ACACB: variants seen among roughly 807,000 people sequenced by gnomAD.
The protein encoded by ACACB is acetyl-CoA carboxylase beta.
ACACB carries 209 observed loss-of-function variants against 278.8 expected under a neutral mutation model. The ratio of observed to expected loss-of-function variants is 0.75; its 90% CI spans 0.67 to 0.84. ACACB has a LOEUF of 0.84. ACACB is among the 40% of genes least tolerant of loss of function. The pLI is 0.00. For missense variants in ACACB, 2,850 were observed against 3,269.0 expected, an observed-to-expected ratio of 0.87 and a Z score of 3.13; for synonymous variants, 1,174 against 1,285.6, an observed-to-expected ratio of 0.91 and a Z score of 1.86.
In ACACB at chr12:109,253,158, G is replaced by A. The variant is rs2047140765; in HGVS notation, c.6045G>A (p.Lys2015=). 1 of 1,571,450 alleles carries A rather than the reference G, an allele frequency of 6.4e-7. No individual in the cohort carries two copies. Among genetic ancestry groups the A allele is most frequent in the East Asian group, 2.3e-5 (1 of 44,164 alleles). The part of the protein sequence containing the change: ...TILEWLSYMP[K]DNHSPVPIIT... ...TGGAGTGGCTGTCCTATATGCCAAA[G>A]GTGCAGTACTCCCCCTGCAGCTTAG... Residue 2015 remains lysine (K), a splice_region_variant and synonymous_variant, in exon 43 of 53, where the codon AAG becomes AAA. Transcript: ENST00000338432.
At position 109,222,791 on chromosome 12, in the gene ACACB, C is replaced by G. The variant is rs763148577; in HGVS notation, c.3679-8C>G. On this transcript the variant is annotated splice_region_variant and splice_polypyrimidine_tract_variant and intron_variant, in intron 25 of 52. Coordinates refer to ENST00000338432, the MANE Select transcript of ACACB (RefSeq NM_001093.4). ...CTCACGCCAGCGCCCCCATCCCTCC[C>G]CCTGCAGATCCTGATTGCCTCCCAC... 11 of 1,610,172 alleles carry G rather than the reference C, an allele frequency of 6.8e-6. No individual in the cohort carries two copies. The highest frequency in any genetic ancestry group is 7.6e-6 in the Non-Finnish European group (9 of 1,176,856).
intron 29 of ACACB, 149 bp downstream of exon 29, chr12:109,232,955 T>C: frequency 1.0e-6 from 1 of 992,660 alleles, no homozygotes. Context: ...AATAATAGCA[T>C]TGTAGCCAAG....
chr12:109,137,884 TTTTC>T (rs1472474065), intron 1 of ACACB, among the ~76,000 whole-genome samples: 1 of 146,010 alleles, frequency 6.8e-6, no homozygotes, highest in East Asian at 2.2e-4. Context: ...CCTCCTGGGC[TTTTC>T]TTTTCTTTTT....
At chr12:109,200,838 C>T (rs759574149) in intron 18 of ACACB, among the ~76,000 whole-genome samples, 5 of 152,196 alleles carry the variant, frequency 3.3e-5, no homozygotes, top group Non-Finnish European at 5.9e-5. Flanking sequence ...GGATCTGCAT[C>T]TCATTCAATC....
chr12:109,260,304 C>T (rs1305221335), intron 47 of ACACB, among the ~76,000 whole-genome samples, 176 bp from the exon 48 acceptor site: 2 of 152,190 alleles, frequency 1.3e-5, no homozygotes, highest in Non-Finnish European at 2.9e-5. Flanking sequence ...GGTGAATGAC[C>T]TGTTCGAGGT....
intron 21 of ACACB, among the ~76,000 whole-genome samples, chr12:109,212,143 A>G (rs926649550): frequency 2.0e-5 from 3 of 152,096 alleles, no homozygotes; most frequent in Admixed American, 2.0e-4. Context: ...GGGGATGAAC[A>G]GGGGTGTTTC....
intron 2 of ACACB, among the ~76,000 whole-genome samples, chr12:109,150,110 G>A (rs906571512): frequency 6.6e-5 from 10 of 152,202 alleles, no homozygotes; most frequent in Admixed American, 1.3e-4. Flanking sequence ...TGCGATCATG[G>A]TCATTAGATC....
intron 22 of ACACB, among the ~76,000 whole-genome samples, chr12:109,214,492 A>T (rs2045937188): frequency 6.6e-6 from 1 of 152,220 alleles, no homozygotes; most frequent in Non-Finnish European, 1.5e-5. Flanking sequence ...TAAAACACAT[A>T]GACTGCTAAC....
intron 34 of ACACB, among the ~76,000 whole-genome samples, chr12:109,237,622 A>G (rs1356050022): frequency 6.6e-6 from 1 of 152,220 alleles, no homozygotes; most frequent in East Asian, 1.9e-4. Context: ...GCGCATGAGA[A>G]GAAAATTTCC....
Position 109,174,121 on chromosome 12 carries a change from C to A in ACACB, c.1118-11C>A. 1.2e-6 allele frequency: 2 copies of A among 1,604,480 alleles called. No homozygotes were observed. Among genetic ancestry groups the A allele is most frequent in the South Asian group, 2.2e-5 (2 of 88,998 alleles). On this transcript the variant is annotated splice_polypyrimidine_tract_variant and intron_variant, in intron 6 of 52. Coordinates refer to ENST00000338432, the MANE Select transcript of ACACB (RefSeq NM_001093.4). ...CGGATTCTGCTTCCCTTCTTGTCCCCGATTCCTCAGGCCCTCCCAGTGAGG... is the reference window on the plus strand; with the variant it reads ...CGGATTCTGCTTCCCTTCTTGTCCCAGATTCCTCAGGCCCTCCCAGTGAGG...
intron 2 of ACACB, among the ~76,000 whole-genome samples, chr12:109,151,587 C>T (rs1024827990): frequency 2.0e-5 from 3 of 152,102 alleles, no homozygotes; most frequent in Non-Finnish European, 2.9e-5. Flanking sequence ...TAAGGTCATC[C>T]GTGAGGGGAA....
chr12:109,245,824 C>T, intron 38 of ACACB, 76 bp downstream of exon 38: 1 of 1,554,848 alleles, frequency 6.4e-7, no homozygotes, highest in Non-Finnish European at 8.7e-7. Flanking sequence ...TGCAGTAGCT[C>T]ACACCTGTAA....
At chr12:109,117,225 T>C (rs1375201977) in intron 1 of ACACB, among the ~76,000 whole-genome samples, 1 of 151,142 alleles carries the variant, frequency 6.6e-6, no homozygotes, top group Non-Finnish European at 1.5e-5. Context: ...CCAGATGTGG[T>C]GATGGGCACC....
upstream of ACACB, among the ~76,000 whole-genome samples, chr12:109,114,960 A>G (rs1030317403): frequency 6.6e-6 from 1 of 152,204 alleles, no homozygotes; most frequent in South Asian, 2.1e-4. Context: ...CTTGTGTTTG[A>G]TGGAAAGAGT....
At chr12:109,137,794 A>C (rs73197454) in intron 1 of ACACB, among the ~76,000 whole-genome samples, 2,708 of 152,230 alleles carry the variant, frequency 0.018, 31 homozygotes, top group Non-Finnish European at 0.02. Flanking sequence ...TCCCATTTAA[A>C]AATTTTTTTT....
upstream of ACACB, among the ~76,000 whole-genome samples, chr12:109,112,078 C>T (rs373435137): frequency 1.3e-5 from 2 of 151,770 alleles, no homozygotes; most frequent in South Asian, 4.2e-4. Context: ...GCAGCACTGC[C>T]GGTAGGGGGA....
At chr12:109,223,051 C>T in intron 26 of ACACB, 139 bp downstream of exon 26, 1 of 717,556 alleles carries the variant, frequency 1.4e-6, no homozygotes, top group Non-Finnish European at 2.4e-6. Flanking sequence ...ACAGTTCAGC[C>T]CAATGTGGCC....
intron 21 of ACACB, among the ~76,000 whole-genome samples, chr12:109,212,345 G>A (rs1034206095): frequency 7.9e-5 from 12 of 152,050 alleles, no homozygotes; most frequent in Non-Finnish European, 1.3e-4. Context: ...ATTCAAGCAC[G>A]TTACATTTAT....
rs779905041 is a variant in ACACB, at chr12:109,256,242, C to T, written c.6263+6C>T. 1.6e-5 allele frequency: 25 copies of T among 1,612,798 alleles called. No individual in the cohort carries two copies. The Admixed American group carries it at 3.0e-4, about 19-fold the overall frequency. On this transcript the variant is annotated splice_donor_region_variant and intron_variant, in intron 45 of 52. Coordinates refer to ENST00000338432, the MANE Select transcript of ACACB (RefSeq NM_001093.4). Reference sequence around the variant, plus strand: ...GTGGTGACAGGACGAGCAAGGTAATCATGAAGACGGGAGCAGGCTGCCCAT... The same window carrying T: ...GTGGTGACAGGACGAGCAAGGTAATTATGAAGACGGGAGCAGGCTGCCCAT...
Sources: gnomAD v4.1 joint callset for allele counts (sites outside exome capture counted in the v4.1 genomes callset) on GRCh38, gnomAD v4.1.1 for gene constraint, MANE v1.5 for transcripts, NCBI Gene and HGNC (gene_info 2026-07-23, HGNC 2026-07-21) for gene names.